The following ALDH1L2 variants were observed in gnomAD, a reference collection of about 807,000 sequenced individuals.
The protein encoded by ALDH1L2 is mitochondrial 10-formyltetrahydrofolate dehydrogenase.
A neutral mutation model predicts 111.0 loss-of-function variants in ALDH1L2; 91 were observed. The ratio of observed to expected loss-of-function variants is 0.82; its 90% CI spans 0.69 to 0.98. ALDH1L2 has a LOEUF of 0.98. Among genes scored for constraint, ALDH1L2 ranks in the 50% least tolerant of loss-of-function variants. ALDH1L2 has a pLI of 0.00. For missense variants in ALDH1L2, 995 were observed against 1,126.8 expected, an observed-to-expected ratio of 0.88 and a Z score of 1.67; for synonymous variants, 374 against 392.6, an observed-to-expected ratio of 0.95 and a Z score of 0.56.
chr12:105,081,247 T>C (rs1878323420), intron 1 of ALDH1L2, among the ~76,000 whole-genome samples: 1 of 152,240 alleles, frequency 6.6e-6, no homozygotes, highest in Admixed American at 6.5e-5. Flanking sequence ...TTAATGCATC[T>C]ATTAATATTA....
intron 19 of ALDH1L2, among the ~76,000 whole-genome samples, chr12:105,032,346 C>G (rs1429438581): frequency 6.6e-6 from 1 of 151,780 alleles, no homozygotes; most frequent in Admixed American, 6.6e-5. Context: ...TCCGGCTATT[C>G]TCATGTCTTA....
intron 1 of ALDH1L2, among the ~76,000 whole-genome samples, chr12:105,081,382 C>G (rs1389915657): frequency 1.3e-5 from 2 of 152,104 alleles, no homozygotes; most frequent in African/African-American, 4.8e-5. Context: ...AAACAAGAAC[C>G]TGGTTCCTAG....
At chr12:105,063,065 G>A in intron 6 of ALDH1L2, 43 bp from the exon 7 acceptor site, 1 of 1,591,728 alleles carries the variant, frequency 6.3e-7, no homozygotes, top group Non-Finnish European at 8.5e-7. Flanking sequence ...CAGGAGAAAA[G>A]CTGTTCATAG....
At chr12:105,057,966 T>G in intron 10 of ALDH1L2, 107 bp downstream of exon 10, 1 of 1,320,960 alleles carries the variant, frequency 7.6e-7, no homozygotes. Flanking sequence ...AAAGCTGTTG[T>G]TTTTTAAAGG....
At chr12:105,026,923 C>T (rs959781472) in intron 21 of ALDH1L2, among the ~76,000 whole-genome samples, 179 bp from the exon 22 acceptor site, 1 of 152,240 alleles carries the variant, frequency 6.6e-6, no homozygotes, top group Non-Finnish European at 1.5e-5. Context: ...GGCTGCAGTG[C>T]AGTGGCACAA....
At position 105,030,353 on chromosome 12, in the gene ALDH1L2, A is replaced by G. The variant is rs770042076; in HGVS notation, c.2487T>C (p.Pro829=). The G allele has an allele frequency of 2.5e-6, 4 of 1,612,920 alleles. No homozygotes were observed. The highest frequency in any genetic ancestry group is 2.2e-5 in the South Asian group (2 of 90,824). ...TTTGGAATTTAGAAATGACCATAAT[A>G]GGCCCAAAGGATTCCTCTTTGGCGA... ...MYLAKEESFG[P]IMVISKFQNG... is the part of the protein sequence containing the mutation. Residue 829 remains proline, a synonymous_variant, in exon 21 of 23, where the codon CCT becomes CCC. Coordinates refer to ENST00000258494, the MANE Select transcript of ALDH1L2 (RefSeq NM_001034173.4).
intron 16 of ALDH1L2, among the ~76,000 whole-genome samples, chr12:105,040,224 C>T (rs1875450442): frequency 2.0e-5 from 3 of 151,146 alleles, no homozygotes. Flanking sequence ...TCCTTGACAC[C>T]TTAGTTTTAC....
intron 15 of ALDH1L2, among the ~76,000 whole-genome samples, chr12:105,042,599 C>A (rs1184775735): frequency 3.3e-5 from 5 of 151,968 alleles, no homozygotes; most frequent in African/African-American, 1.2e-4. Flanking sequence ...TATTTCTTTT[C>A]TTTGCTGTCA....
chr12:105,033,571 G>A (rs1874820114), intron 19 of ALDH1L2, among the ~76,000 whole-genome samples: 2 of 152,112 alleles, frequency 1.3e-5, no homozygotes, highest in Admixed American at 1.3e-4. Flanking sequence ...AAATATAGCT[G>A]GATGCTGGTT....
At chr12:105,047,055 C>G (rs983172627) in intron 13 of ALDH1L2, 86 bp from the exon 14 acceptor site, 1 of 1,462,810 alleles carries the variant, frequency 6.8e-7, no homozygotes, top group Non-Finnish European at 9.5e-7. Context: ...GTCTTCCTCT[C>G]TTACTTTTTG....
chr12:105,035,971 G>C (rs1481423794), intron 18 of ALDH1L2, among the ~76,000 whole-genome samples: 1 of 94,712 alleles, frequency 1.1e-5, no homozygotes, highest in Non-Finnish European at 1.9e-5. Context: ...ATATTTATAT[G>C]TGTATATATA....
rs775575210 is a variant in ALDH1L2 at position 105,050,050 on chromosome 12, T to A, written c.1544A>T (p.Asp515Val). 6.3e-7 allele frequency: 1 copy of A among 1,593,144 alleles called. No homozygotes were observed. The highest frequency in any genetic ancestry group is 8.5e-7 in the Non-Finnish European group (1 of 1,170,286). Residue 515 changes from aspartate (D) to valine (V), a missense_variant, in exon 13 of 23, where the codon GAC (aspartate) becomes GTC (valine). Coordinates refer to ENST00000258494, the MANE Select transcript of ALDH1L2 (RefSeq NM_001034173.4). ...CTCTTCTTGGTTCTCTTCCAGTAGG[T>A]CTGCAAGTCTGTGTGGTCAGTGAAA... Reference protein sequence around the residue: ...ERGRLMYRLADLLEENQEELA... With the variant: ...ERGRLMYRLAVLLEENQEELA...
intron 15 of ALDH1L2, among the ~76,000 whole-genome samples, chr12:105,045,547 T>G (rs1875790209): frequency 6.6e-6 from 1 of 152,066 alleles, no homozygotes; most frequent in Admixed American, 6.6e-5. Context: ...CTCTGGGATA[T>G]CTAAGCCACT....
intron 13 of ALDH1L2, chr12:105,047,316 G>C (rs538452477): frequency 3.6e-5 from 10 of 278,762 alleles, no homozygotes; most frequent in Non-Finnish European, 7.0e-5. Flanking sequence ...AAATACTATG[G>C]TTCCCATTCT....
intron 20 of ALDH1L2, 129 bp downstream of exon 20, chr12:105,031,640 C>T: frequency 7.4e-7 from 1 of 1,360,082 alleles, no homozygotes; most frequent in Non-Finnish European, 9.9e-7. Context: ...AGGTGCGTGC[C>T]ACCACACTGG....
intron 9 of ALDH1L2, among the ~76,000 whole-genome samples, chr12:105,058,767 G>A (rs1391089022): frequency 6.6e-6 from 1 of 152,146 alleles, no homozygotes; most frequent in Non-Finnish European, 1.5e-5. Flanking sequence ...AATTACAGCT[G>A]TTATCTGACA....
chr12:105,084,377 G>C lies in ALDH1L2; in HGVS notation c.48+12C>G. On this transcript the variant is annotated intron_variant, in intron 1 of 22. Transcript: ENST00000258494. Reference sequence around the variant, plus strand: ...GGGTGACAGCCGGGACGCTCGCCCGGGCCGGACTCACCCGGCCAGTGGAGA... The same window carrying C: ...GGGTGACAGCCGGGACGCTCGCCCGCGCCGGACTCACCCGGCCAGTGGAGA... 1 of 1,505,170 alleles carries C rather than the reference G, an allele frequency of 6.6e-7. No individual in the cohort carries two copies. Among genetic ancestry groups the C allele is most frequent in the South Asian group, 1.2e-5 (1 of 81,160 alleles). The allele number at this position is 1,505,170 out of a possible 1,614,324, so 93.2% of individuals were successfully genotyped here. A position where few individuals can be genotyped will look rare whatever the true frequency, so the allele number is the denominator to read the frequency against.
In ALDH1L2 at chr12:105,068,886, T is replaced by C. The variant is rs768841874; in HGVS notation, c.429-2A>G. The stretch of plus-strand genomic sequence containing the variant: ...TTCTTATCTCCCATAATTAGAGTCC[T>C]GTGAAAAGAAGAATTTCAATTTAAA... On this transcript the variant is annotated splice_acceptor_variant, in intron 3 of 22. Transcript: ENST00000258494. LOFTEE classifies it high-confidence loss of function. 24 of 1,544,324 alleles carry C rather than the reference T, an allele frequency of 1.6e-5. No individual in the cohort carries two copies. The highest frequency in any genetic ancestry group is 2.1e-5 in the Non-Finnish European group (24 of 1,149,910).
Position 105,052,851 on chromosome 12 carries a change from A to G in ALDH1L2, c.1368T>C (p.Asp456=), listed in dbSNP as rs1876379236. The part of the protein sequence containing the change: ...FINGQFTDAD[D]GKTYDTINPT... ...GGTTGATAGTGTCGTAAGTCTTTCC[A>G]TCGTCTGCATCTGTGAACTGTCCAT... Residue 456 remains aspartate (D), a synonymous_variant, in exon 11 of 23, where the codon GAT becomes GAC. Coordinates refer to ENST00000258494, the MANE Select transcript of ALDH1L2 (RefSeq NM_001034173.4). 1.2e-6 allele frequency: 2 copies of G among 1,614,052 alleles called. No homozygotes were observed. Among genetic ancestry groups the G allele is most frequent in the African/African-American group, 1.3e-5 (1 of 74,940 alleles).
Sources: allele counts gnomAD v4.1 joint callset (sites outside exome capture counted in the v4.1 genomes callset), GRCh38; gene constraint gnomAD v4.1.1; transcripts MANE v1.5; gene names NCBI Gene and HGNC (gene_info 2026-07-23, HGNC 2026-07-21).